SLC35F4: variants seen among roughly 807,000 people sequenced by gnomAD.
SLC35F4 encodes chromosome 14 open reading frame 36.
A neutral mutation model predicts 44.2 loss-of-function variants in SLC35F4; 24 were observed. The ratio of observed to expected loss-of-function variants is 0.54; its 90% confidence interval spans 0.39 to 0.76. SLC35F4 has a LOEUF of 0.76. Among genes scored for constraint, SLC35F4 ranks in the 30% least tolerant of loss-of-function variants. SLC35F4 has a pLI of 0.00. For missense variants in SLC35F4, 562 were observed against 586.1 expected, an observed-to-expected ratio of 0.96 and a Z score of 0.42; for synonymous variants, 238 against 223.6, an observed-to-expected ratio of 1.06 and a Z score of -0.57.
intron 6 of SLC35F4, among the ~76,000 whole-genome samples, 198 bp downstream of exon 6, chr14:57,569,590 G>C (rs1185326499): frequency 1.3e-5 from 2 of 152,196 alleles, no homozygotes; most frequent in Admixed American, 1.3e-4. Flanking sequence ...CTCATGGGAG[G>C]CATACTAGTT....
intron 1 of SLC35F4, among the ~76,000 whole-genome samples, chr14:57,618,963 G>T (rs2072019675): frequency 6.6e-6 from 1 of 152,188 alleles, no homozygotes; most frequent in East Asian, 1.9e-4. Flanking sequence ...AGCTCAGCAA[G>T]GCTGCTGGGG....
intron 1 of SLC35F4, among the ~76,000 whole-genome samples, chr14:57,648,124 C>T (rs180928703): frequency 1.3e-5 from 2 of 152,272 alleles, no homozygotes; most frequent in Non-Finnish European, 2.9e-5. Flanking sequence ...TAAATGCTAG[C>T]ATCAGATATT....
intron 1 of SLC35F4, among the ~76,000 whole-genome samples, chr14:57,618,695 T>A (rs114685626): frequency 0.028 from 4,253 of 152,232 alleles, 78 homozygotes; most frequent in Middle Eastern, 0.054. Flanking sequence ...CCAGAACCAC[T>A]CACTCCCCTG....
intron 1 of SLC35F4, among the ~76,000 whole-genome samples, chr14:57,951,613 C>T (rs1324399195): frequency 2.0e-5 from 3 of 152,184 alleles, no homozygotes. Context: ...GGGCATCTTC[C>T]ATTACTGAGG....
chr14:57,768,733 C>T (rs1254428157), intron 1 of SLC35F4, among the ~76,000 whole-genome samples: 1 of 151,844 alleles, frequency 6.6e-6, no homozygotes, highest in Non-Finnish European at 1.5e-5. Context: ...TTAAAAGAGT[C>T]AACCTTGGGT....
chr14:57,665,258 ACT>A (rs1445186599), intron 1 of SLC35F4, among the ~76,000 whole-genome samples: 17 of 151,946 alleles, frequency 1.1e-4, no homozygotes, highest in African/African-American at 4.1e-4. Context: ...GCTTACCCAG[ACT>A]CCGCCCATCC....
chr14:57,942,926 T>C (rs908077431), intron 1 of SLC35F4, among the ~76,000 whole-genome samples: 1 of 152,198 alleles, frequency 6.6e-6, no homozygotes, highest in Non-Finnish European at 1.5e-5. Flanking sequence ...AACTGAGATT[T>C]AAAAGCTTTA....
intron 1 of SLC35F4, among the ~76,000 whole-genome samples, chr14:57,721,911 G>A (rs1012391171): frequency 1.3e-5 from 2 of 152,048 alleles, no homozygotes; most frequent in African/African-American, 4.8e-5. Context: ...GCAGTTGCCA[G>A]GCAAGATAAT....
chr14:57,850,662 G>T (rs1026729569), intron 1 of SLC35F4, among the ~76,000 whole-genome samples: 5 of 152,088 alleles, frequency 3.3e-5, no homozygotes, highest in East Asian at 3.8e-4. Context: ...AATGCAGCTG[G>T]AAACTGCAAG....
At chr14:57,926,725 TG>T (rs3034470) in intron 1 of SLC35F4, among the ~76,000 whole-genome samples, 21,609 of 123,878 alleles carry the variant, frequency 0.17, 1,490 homozygotes, top group Admixed American at 0.29. Context: ...GAAGTAGGGT[TG>T]GGGGGGGGGG....
chr14:57,680,602 C>T (rs6573159), intron 1 of SLC35F4, among the ~76,000 whole-genome samples: 94,749 of 151,908 alleles, frequency 0.62, 29,849 homozygotes, highest in South Asian at 0.72. Context: ...GATGACATGA[C>T]TGTATATTTA....
At chr14:57,643,306 C>G (rs1262480396) in intron 1 of SLC35F4, among the ~76,000 whole-genome samples, 1 of 151,982 alleles carries the variant, frequency 6.6e-6, no homozygotes, top group African/African-American at 2.4e-5. Flanking sequence ...ACCAAGGACT[C>G]TTAACAATGA....
intron 1 of SLC35F4, among the ~76,000 whole-genome samples, chr14:57,745,387 G>GA (rs1246905132): frequency 2.0e-5 from 3 of 152,064 alleles, no homozygotes; most frequent in Non-Finnish European, 2.9e-5. Context: ...AAACGTAAAA[G>GA]AAAAAATCAA....
chr14:57,624,602 C>T (rs1005636152), intron 1 of SLC35F4, among the ~76,000 whole-genome samples: 11 of 152,138 alleles, frequency 7.2e-5, no homozygotes, highest in African/African-American at 2.7e-4. Flanking sequence ...AAAGTTTATC[C>T]ACCATGTTCA....
chr14:57,829,934 A>G (rs1018931332), intron 1 of SLC35F4, among the ~76,000 whole-genome samples: 5 of 152,240 alleles, frequency 3.3e-5, no homozygotes, highest in Non-Finnish European at 7.3e-5. Flanking sequence ...ACTTTATGGA[A>G]AAAACACAGC....
At chr14:57,698,138 T>G (rs904834084) in intron 1 of SLC35F4, among the ~76,000 whole-genome samples, 2 of 152,228 alleles carry the variant, frequency 1.3e-5, no homozygotes, top group Admixed American at 1.3e-4. Context: ...GCACCAGACA[T>G]CTTCTTAGAT....
chr14:57,755,300 T>C (rs187681707), intron 1 of SLC35F4, among the ~76,000 whole-genome samples: 14 of 152,234 alleles, frequency 9.2e-5, no homozygotes, highest in African/African-American at 3.1e-4. Flanking sequence ...CAATGCAGGG[T>C]GAATCTGAGA....
At chr14:57,940,534 C>G (rs1362244851) in intron 1 of SLC35F4, among the ~76,000 whole-genome samples, 5 of 152,108 alleles carry the variant, frequency 3.3e-5, no homozygotes, top group Non-Finnish European at 5.9e-5. Flanking sequence ...ATAGAGGTCC[C>G]CTAATGACCA....
At chr14:57,870,311 G>A (rs1341572663), upstream of SLC35F4, among the ~76,000 whole-genome samples, 42 of 152,116 alleles carry the variant, frequency 2.8e-4, no homozygotes, top group Non-Finnish European at 2.9e-5. Flanking sequence ...GTACTCGGCA[G>A]TACAGCACAG....
Sources: allele counts gnomAD v4.1 joint callset (sites outside exome capture counted in the v4.1 genomes callset), GRCh38; gene constraint gnomAD v4.1.1; transcripts MANE v1.5; gene names NCBI Gene and HGNC (gene_info 2026-07-23, HGNC 2026-07-21).